The following PDE4D variants were observed in gnomAD, a reference collection of about 807,000 sequenced individuals.
PDE4D encodes phosphodiesterase 4D, also known as 3',5'-cyclic-AMP phosphodiesterase 4D.
A neutral mutation model predicts 87.4 loss-of-function variants in PDE4D; 24 were observed. That is an observed-to-expected ratio of 0.27 (90% confidence interval 0.20 to 0.39). The LOEUF (loss-of-function observed/expected upper bound fraction) is 0.39, where lower values mean the gene tolerates loss of function less well. PDE4D is among the 10% of genes least tolerant of loss of function. PDE4D has a pLI of 1.00. For synonymous variants in PDE4D, 384 were observed against 383.2 expected (o/e 1.00, Z -0.02); for missense variants, 714 against 1,041.0 (o/e 0.69, Z 4.32).
intron 1 of PDE4D, among the ~76,000 whole-genome samples, chr5:59,375,421 T>C (rs570147210): frequency 2.0e-5 from 3 of 152,198 alleles, no homozygotes; most frequent in South Asian, 2.1e-4. Context: ...TTTATGCACA[T>C]AAACTAGAAA....
chr5:59,777,131 T>C (rs1422422440), intron 1 of PDE4D, among the ~76,000 whole-genome samples: 3 of 152,186 alleles, frequency 2.0e-5, no homozygotes, highest in African/African-American at 4.8e-5. Flanking sequence ...GAGTGCGTTC[T>C]TTTTTCTTTT....
At chr5:60,457,199 A>T (rs897383148) in intron 1 of PDE4D, among the ~76,000 whole-genome samples, 1 of 152,220 alleles carries the variant, frequency 6.6e-6, no homozygotes, top group African/African-American at 2.4e-5. Context: ...GCTGAGAGAC[A>T]GAATCTATAT....
chr5:60,382,509 AT>A (rs1431087378), intron 1 of PDE4D, among the ~76,000 whole-genome samples: 1 of 152,056 alleles, frequency 6.6e-6, no homozygotes, highest in Non-Finnish European at 1.5e-5. Flanking sequence ...TCCAGAGGTG[AT>A]TTTTTAAAAA....
intron 1 of PDE4D, among the ~76,000 whole-genome samples, chr5:59,461,621 A>AT (rs1800797741): frequency 6.6e-6 from 1 of 152,188 alleles, no homozygotes; most frequent in South Asian, 2.1e-4. Context: ...GAACTTCATA[A>AT]TTTTTCCCCA....
At chr5:60,345,257 G>C (rs1270840207) in intron 1 of PDE4D, among the ~76,000 whole-genome samples, 2 of 151,854 alleles carry the variant, frequency 1.3e-5, no homozygotes, top group East Asian at 3.9e-4. Context: ...GAGAACACTT[G>C]GACACAGGAA....
chr5:60,118,067 TTTG>T lies in PDE4D; in HGVS notation c.42+67487_42+67489del, dbSNP rs142841259. 7.7e-3 allele frequency among the ~76,000 whole-genome samples: 1,172 copies of T among 152,228 alleles called. 13 individuals carry two copies. The highest frequency in any genetic ancestry group is 0.027 in the African/African-American group (1,112 of 41,554). ...CCACATTCTCCTGAAAATCACTCCT[TTTG>T]TTGTTGTTGTTTCTAGGCCACTGCA... On this transcript the variant is annotated intron_variant, in intron 2 of 16. Transcript: ENST00000502484.
chr5:59,023,746 T>C (rs1482238863), intron 6 of PDE4D, among the ~76,000 whole-genome samples: 2 of 152,136 alleles, frequency 1.3e-5, no homozygotes, highest in Non-Finnish European at 1.5e-5. Context: ...TATGAGAAAA[T>C]ACCTGGAATC....
chr5:60,026,975 T>C (rs1293376117), intron 2 of PDE4D, among the ~76,000 whole-genome samples: 1 of 152,198 alleles, frequency 6.6e-6, no homozygotes, highest in East Asian at 1.9e-4. Flanking sequence ...AGTATAACTG[T>C]ATCCTCGTTG....
At chr5:60,217,596 T>C (rs1286424804) in intron 1 of PDE4D, among the ~76,000 whole-genome samples, 1 of 151,730 alleles carries the variant, frequency 6.6e-6, no homozygotes, top group Non-Finnish European at 1.5e-5. Context: ...CTTATGTTCA[T>C]CAAAATAAAT....
At position 59,573,477 on chromosome 5, in the gene PDE4D, G is replaced by T. The variant is rs889619265; in HGVS notation, c.455+319691C>A. 2.0e-5 allele frequency among the ~76,000 whole-genome samples: 3 copies of T among 152,180 alleles called. 1 individual carries two copies. Among genetic ancestry groups the T allele is most frequent in the Middle Eastern group, 6.8e-3 (2 of 294 alleles). ...CGAACCACTGTCAGTACTGGGGAGG[G>T]ATCTGTTTATGGAGTATACCCGCAG... On this transcript the variant is annotated intron_variant, in intron 1 of 14. Transcript: ENST00000340635.
intron 1 of PDE4D, among the ~76,000 whole-genome samples, chr5:59,863,992 T>A (rs1227050631): frequency 6.6e-6 from 1 of 152,130 alleles, no homozygotes; most frequent in Non-Finnish European, 1.5e-5. Context: ...CGTGTAGTAT[T>A]CATGGGAACA....
intron 1 of PDE4D, among the ~76,000 whole-genome samples, chr5:60,290,569 C>T (rs1273143807): frequency 1.3e-5 from 2 of 151,932 alleles, no homozygotes; most frequent in Non-Finnish European, 1.5e-5. Flanking sequence ...TTTAGGAGGC[C>T]GAGGTGGGCA....
At chr5:59,815,504 C>T (rs145029900) in intron 1 of PDE4D, among the ~76,000 whole-genome samples, 52 of 152,290 alleles carry the variant, frequency 3.4e-4, no homozygotes, top group African/African-American at 1.2e-3. Flanking sequence ...TACTTAACTT[C>T]GCTCTTCCTC....
chr5:59,023,292 TATTTAGAAGCAC>T (rs769894559), intron 6 of PDE4D, among the ~76,000 whole-genome samples: 8 of 152,114 alleles, frequency 5.3e-5, no homozygotes, highest in Non-Finnish European at 1.2e-4. Context: ...TCTTTACACT[TATTTAGAAGCAC>T]ATAGATCTTA....
intron 1 of PDE4D, among the ~76,000 whole-genome samples, chr5:60,363,007 GTGCTTATCACCGGT>G (rs1446913728): frequency 7.9e-5 from 12 of 152,094 alleles, no homozygotes; most frequent in Admixed American, 2.6e-4. Context: ...GTCTCTAGCT[GTGCTTATCACCGGT>G]TGCTTATCAC....
intron 2 of PDE4D, among the ~76,000 whole-genome samples, chr5:60,090,926 A>ATACT (rs1430723599): frequency 6.6e-6 from 1 of 152,220 alleles, no homozygotes; most frequent in Non-Finnish European, 1.5e-5. Context: ...CCCATTTACA[A>ATACT]TACTTACACA....
intron 1 of PDE4D, among the ~76,000 whole-genome samples, chr5:60,415,059 G>A (rs1742367377): frequency 6.6e-6 from 1 of 152,222 alleles, no homozygotes; most frequent in Admixed American, 6.5e-5. Flanking sequence ...ACTCAACCTG[G>A]GTGAGACAAC....
chr5:60,025,883 G>C (rs1008792882), intron 2 of PDE4D, among the ~76,000 whole-genome samples: 4 of 152,088 alleles, frequency 2.6e-5, no homozygotes, highest in Non-Finnish European at 5.9e-5. Flanking sequence ...CCCTGTCTCA[G>C]AAACAACAAA....
chr5:59,279,834 G>T lies in PDE4D; in HGVS notation c.456-63866C>A, dbSNP rs183979044. ...GTGTTTGTGTGTGTGTGTGTGTGTGGAAGACAGAAAGAAAAGAGGAAGAGA... is the reference window on the plus strand; with the variant it reads ...GTGTTTGTGTGTGTGTGTGTGTGTGTAAGACAGAAAGAAAAGAGGAAGAGA... On this transcript the variant is annotated intron_variant, in intron 1 of 14. Transcript: ENST00000340635. Among the ~76,000 whole-genome samples the T allele has an allele frequency of 6.6e-4, 98 of 147,782 alleles. 1 individual carries two copies. The highest frequency in any genetic ancestry group is 1.9e-3 in the African/African-American group (75 of 38,696).
Sources: allele counts gnomAD v4.1 joint callset (sites outside exome capture counted in the v4.1 genomes callset), GRCh38; gene constraint gnomAD v4.1.1; transcripts MANE v1.5; gene names NCBI Gene and HGNC (gene_info 2026-07-23, HGNC 2026-07-21).